Variants in ZNF790 observed in about 807,000 individuals in gnomAD.
The protein encoded by ZNF790 is zinc finger protein 790.
A neutral mutation model predicts 12.1 loss-of-function variants in ZNF790; 8 were observed. That is an observed-to-expected ratio of 0.66 (90% confidence interval 0.39 to 1.19). The LOEUF (loss-of-function observed/expected upper bound fraction) is 1.19, where lower values mean the gene tolerates loss of function less well. ZNF790 is among the 50% of genes most tolerant of loss of function. The probability of loss-of-function intolerance (pLI) is 0.01; values close to 1 mark genes in which losing one functional copy is unlikely to be tolerated. For missense variants in ZNF790, 707 were observed against 752.2 expected, an observed-to-expected ratio of 0.94 and a Z score of 0.70; for synonymous variants, 252 against 244.3, an observed-to-expected ratio of 1.03 and a Z score of -0.29.
Position 36,820,123 on chromosome 19 carries a change from T to C in ZNF790, c.230-9A>G. 6.3e-7 allele frequency: 1 copy of C among 1,594,084 alleles called. No homozygotes were observed. The highest frequency in any genetic ancestry group is 1.3e-5 in the African/African-American group (1 of 74,500). On this transcript the variant is annotated splice_polypyrimidine_tract_variant and intron_variant, in intron 4 of 4. Transcript: ENST00000356725. ...ACACCTCGACTGCATGTCTGAAAAA[T>C]AAGAAGGTAAAAACATCATACGGTT...
chr19:36,836,484 C>T (rs1485862554), intron 1 of ZNF790, among the ~76,000 whole-genome samples: 1 of 151,870 alleles, frequency 6.6e-6, no homozygotes, highest in African/African-American at 2.4e-5. Context: ...ACCGGCTGGG[C>T]GCGGTGGCTC....
At chr19:36,824,398 C>T (rs2071752685) in intron 2 of ZNF790, among the ~76,000 whole-genome samples, 1 of 151,964 alleles carries the variant, frequency 6.6e-6, no homozygotes, top group African/African-American at 2.4e-5. Flanking sequence ...CCTCTGCCTC[C>T]CAGGTTCAAG....
chr19:36,823,777 C>T lies in ZNF790; in HGVS notation c.23G>A (p.Arg8Lys). MAHLMMFRDVAVDFSQEE... is the reference protein window; with the variant it reads MAHLMMFKDVAVDFSQEE... ...CTGAGAGAAATCTACAGCCACATCC[C>T]TGAACATCATCAACTGTTGGAAAGA... Residue 8 changes from arginine to lysine, a missense_variant, in exon 3 of 5, where the codon AGG becomes AAG. Coordinates refer to ENST00000356725, the MANE Select transcript of ZNF790 (RefSeq NM_206894.4). The T allele has an allele frequency of 1.9e-6, 3 of 1,605,180 alleles. No homozygotes were observed. Among genetic ancestry groups the T allele is most frequent in the Non-Finnish European group, 2.5e-6 (3 of 1,177,842 alleles).
chr19:36,838,106 G>GCGCGCA lies in ZNF790; in HGVS notation c.-74+230_-74+231insTGCGCG, dbSNP rs1491245613. ...CTGTCAACGTCGTGTGCGCGTGCGC[G>GCGCGCA]CACACACACACACACACACACATAC... On this transcript the variant is annotated intron_variant, in intron 1 of 4. Coordinates refer to ENST00000356725, the MANE Select transcript of ZNF790 (RefSeq NM_206894.4). This position sits in a 1 kb window ranked among gnomAD's most constrained non-coding sequence, Gnocchi z 4.4. 1 of 75,066 alleles carries GCGCGCA rather than the reference G, an allele frequency of 1.3e-5. No homozygotes were observed. The highest frequency in any genetic ancestry group is 6.8e-5 in the African/African-American group (1 of 14,628). The allele number at this position is 75,066 out of a possible 1,614,324, so 4.6% of individuals were successfully genotyped here. A position where few individuals can be genotyped will look rare whatever the true frequency, so the allele number is the denominator to read the frequency against.
intron 1 of ZNF790, among the ~76,000 whole-genome samples, chr19:36,827,159 T>TAC: frequency 9.8e-6 from 1 of 101,716 alleles, no homozygotes; most frequent in African/African-American, 3.0e-5. Flanking sequence ...TATATATATA[T>TAC]ATATATATAT....
Position 36,823,446 on chromosome 19 carries a change from T to C in ZNF790, c.134-66A>G, listed in dbSNP as rs189239553. The C allele has an allele frequency of 2.1e-4, 313 of 1,479,302 alleles. 1 individual carries two copies. The highest frequency in any genetic ancestry group is 4.9e-4 in the South Asian group (42 of 84,898). 91.6% of individuals were successfully genotyped at this position (1,479,302 alleles called of 1,614,324 possible). On this transcript the variant is annotated intron_variant, in intron 3 of 4. Transcript: ENST00000356725. ...AGATTCTAAAATTTGCAACTACTTC[T>C]TTGGTTACTAAGGAAGAGAAACAAT... is the stretch of plus-strand genomic sequence containing the variant.
At chr19:36,829,259 C>T (rs1285202889) in intron 1 of ZNF790, among the ~76,000 whole-genome samples, 1 of 152,102 alleles carries the variant, frequency 6.6e-6, no homozygotes, top group Non-Finnish European at 1.5e-5. Context: ...AACTCTAACC[C>T]TTTGGCTATC....
intron 1 of ZNF790, among the ~76,000 whole-genome samples, chr19:36,834,304 C>T (rs546764405): frequency 3.4e-5 from 5 of 147,588 alleles, no homozygotes; most frequent in South Asian, 4.2e-4. Flanking sequence ...CGCTAGGAGA[C>T]GATATATACA....
Position 36,818,893 on chromosome 19 carries a change from C to G in ZNF790, c.1451G>C (p.Gly484Ala). 1 of 1,611,222 alleles carries G rather than the reference C, an allele frequency of 6.2e-7. No homozygotes were observed. The stretch of plus-strand genomic sequence containing the variant: ...TTCTGAACCACGAAAAAAGGTCTTT[C>G]CACATTCCTTACATTCATAGTTTCT... The part of the protein sequence containing the change: ...GERNYECKEC[G>A]KTFFRGSELN... Residue 484 changes from glycine (G) to alanine (A), a missense_variant, in exon 5 of 5, where the codon GGA becomes GCA. Gly to Ala is a moderately conservative substitution (Grantham distance 60, BLOSUM62 0). Coordinates refer to ENST00000356725, the MANE Select transcript of ZNF790 (RefSeq NM_206894.4).
At chr19:36,824,090 G>A (rs916654164) in intron 2 of ZNF790, among the ~76,000 whole-genome samples, 7 of 142,052 alleles carry the variant, frequency 4.9e-5, no homozygotes, top group South Asian at 2.3e-4. Context: ...TCCGCCTCCC[G>A]GGTTCACGCC....
intron 1 of ZNF790, among the ~76,000 whole-genome samples, chr19:36,844,687 A>G (rs1309244776): frequency 6.6e-6 from 1 of 152,164 alleles, no homozygotes; most frequent in African/African-American, 2.4e-5. Flanking sequence ...AATCTCCTTC[A>G]AAAAAGAAAG....
Position 36,819,596 on chromosome 19 carries a change from C to T in ZNF790, c.748G>A (p.Gly250Ser), listed in dbSNP as rs148356621. 95 of 1,608,830 alleles carry T rather than the reference C, an allele frequency of 5.9e-5. No individual in the cohort carries two copies. In the Admixed American group the frequency reaches 1.2e-3, roughly 21 times the overall value. The change falls in exon 5 of 5, where the codon GGT becomes AGT. Residue 250 changes from glycine to serine, a missense_variant. Physicochemically the swap from Gly to Ser is moderately conservative, Grantham distance 56. Transcript: ENST00000356725. ...SLTGHKRIHT[G>S]EKPFKCKDCG... ...TCCTTACATTTAAAAGGTTTCTCAC[C>T]GGTATGAATTCTCTTATGACCAGTA...
upstream of ZNF790, among the ~76,000 whole-genome samples, chr19:36,843,051 G>A (rs993571336): frequency 1.3e-5 from 2 of 151,568 alleles, no homozygotes; most frequent in Non-Finnish European, 2.9e-5. Context: ...GGACAACCAG[G>A]AATAGCGTAG....
chr19:36,839,391 TTTTG>T (rs369534812), upstream of ZNF790, among the ~76,000 whole-genome samples: 78 of 152,238 alleles, frequency 5.1e-4, no homozygotes, highest in African/African-American at 1.4e-3. Flanking sequence ...TCATTTCTCT[TTTTG>T]TTTGTTTGTT....
chr19:36,849,382 G>GT (rs1278038972), intron 1 of ZNF790, among the ~76,000 whole-genome samples: 7 of 152,086 alleles, frequency 4.6e-5, no homozygotes, highest in East Asian at 1.9e-4. Context: ...CTTTCTGTCA[G>GT]TTTTTTAATT....
intron 1 of ZNF790, chr19:36,828,218 C>T (rs1244300203): frequency 6.6e-6 from 1 of 152,156 alleles, no homozygotes; most frequent in Non-Finnish European, 1.5e-5. Flanking sequence ...AATCCCAGCA[C>T]TTTGGGAGGC....
At chr19:36,820,892 CTTT>C (rs1161286902) in intron 4 of ZNF790, among the ~76,000 whole-genome samples, 4 of 126,990 alleles carry the variant, frequency 3.1e-5, no homozygotes, top group Admixed American at 8.1e-5. Flanking sequence ...GAGACCCTGT[CTTT>C]TTTTTTTTTT....
At chr19:36,838,523 T>A (rs1465522506), upstream of ZNF790, 3 of 152,354 alleles carry the variant, frequency 2.0e-5, no homozygotes, top group East Asian at 5.8e-4. The surrounding 1 kb of genome is among the most constrained non-coding windows in gnomAD (Gnocchi z 4.4). Context: ...TTGAGCCCCA[T>A]CCCCTCGCTG....
At chr19:36,831,105 C>T (rs923478673) in intron 1 of ZNF790, among the ~76,000 whole-genome samples, 1 of 151,280 alleles carries the variant, frequency 6.6e-6, no homozygotes, top group African/African-American at 2.4e-5. Context: ...CGCCACTGCA[C>T]TTCAGCCTAG....
Sources: allele counts gnomAD v4.1 joint callset (sites outside exome capture counted in the v4.1 genomes callset), GRCh38; gene constraint gnomAD v4.1.1; non-coding constraint Gnocchi (gnomAD v3.1); transcripts MANE v1.5; gene names NCBI Gene and HGNC (gene_info 2026-07-23, HGNC 2026-07-21).